Variants in TCF7L2 observed in about 807,000 individuals in gnomAD.
TCF7L2 encodes transcription factor 7-like 2.
In TCF7L2, 23 loss-of-function variants were observed where a neutral mutation model predicts 77.9. That is an observed-to-expected ratio of 0.30 (90% CI 0.21 to 0.42). The LOEUF (loss-of-function observed/expected upper bound fraction) is 0.42. Among genes scored for constraint, TCF7L2 ranks in the 10% least tolerant of loss-of-function variants. The pLI, the probability that TCF7L2 is intolerant of heterozygous loss-of-function variation, is 1.00. For missense variants in TCF7L2, 654 were observed against 793.1 expected, an observed-to-expected ratio of 0.82 and a Z score of 2.11; for synonymous variants, 413 against 340.2, an observed-to-expected ratio of 1.21 and a Z score of -2.36.
chr10:113,158,437 G>T (rs1019344654), intron 12 of TCF7L2, among the ~76,000 whole-genome samples: 6 of 152,130 alleles, frequency 3.9e-5, no homozygotes, highest in African/African-American at 7.2e-5. Flanking sequence ...GGAGTAGGAG[G>T]GGGTGTGTGT....
At chr10:113,136,440 T>A (rs1478917747) in intron 5 of TCF7L2, among the ~76,000 whole-genome samples, 1 of 152,214 alleles carries the variant, frequency 6.6e-6, no homozygotes, top group Non-Finnish European at 1.5e-5. Flanking sequence ...TTTGCTGTTT[T>A]TGTGGCTCGG....
chr10:113,089,595 G>T, intron 5 of TCF7L2: 3 of 1,588,304 alleles, frequency 1.9e-6, no homozygotes, highest in Non-Finnish European at 1.7e-6. Flanking sequence ...AAATGAAGCC[G>T]CCCACCCAAA....
At chr10:113,093,938 G>A (rs2060659332) in intron 5 of TCF7L2, among the ~76,000 whole-genome samples, 1 of 152,118 alleles carries the variant, frequency 6.6e-6, no homozygotes, top group African/African-American at 2.4e-5. Flanking sequence ...CTGATTCCTT[G>A]TTTCCTTCCT....
chr10:113,124,979 G>C (rs1592028689), intron 5 of TCF7L2, among the ~76,000 whole-genome samples: 1 of 152,214 alleles, frequency 6.6e-6, no homozygotes, highest in Non-Finnish European at 1.5e-5. Flanking sequence ...ATGACAGAAA[G>C]ATGTCATCGT....
At chr10:113,077,507 T>C (rs2058819961) in intron 5 of TCF7L2, among the ~76,000 whole-genome samples, 1 of 152,010 alleles carries the variant, frequency 6.6e-6, no homozygotes, top group East Asian at 1.9e-4. Flanking sequence ...CACTCTGCCT[T>C]CTCCCCCATG....
At chr10:113,003,773 A>G (rs571587317) in intron 4 of TCF7L2, among the ~76,000 whole-genome samples, 2 of 152,258 alleles carry the variant, frequency 1.3e-5, no homozygotes, top group African/African-American at 4.8e-5. Context: ...GTATCAATCA[A>G]CGTCAGGATC....
chr10:113,088,701 G>C (rs1406730337), intron 5 of TCF7L2, among the ~76,000 whole-genome samples: 2 of 152,086 alleles, frequency 1.3e-5, no homozygotes, highest in Non-Finnish European at 2.9e-5. Flanking sequence ...GCTTGCCTGA[G>C]ATCTCAACAC....
At chr10:113,148,957 C>T (rs74157224) in intron 8 of TCF7L2, among the ~76,000 whole-genome samples, 6,993 of 152,210 alleles carry the variant, frequency 0.046, 513 homozygotes, top group African/African-American at 0.16. Context: ...TGTACACACA[C>T]GTACACACAC....
chr10:113,165,851 T>TGCAGCCTGCCGCCCC lies in TCF7L2; in HGVS notation c.1689_1703dup (p.Gln564_Pro568dup). ...GCCCTGGACCTGCCCCCAGCCGCTTTGCAGCCTGCCGCCCCCTCCTCATCA... is the reference window on the plus strand; with the variant it reads ...GCCCTGGACCTGCCCCCAGCCGCTTTGCAGCCTGCCGCCCCGCAGCCTGCCGCCCCCTCCTCATCA... On this transcript the variant is annotated inframe_insertion, in exon 14 of 14. Transcript: ENST00000627217. The TGCAGCCTGCCGCCCC allele has an allele frequency of 6.2e-7, 1 of 1,608,426 alleles. No individual in the cohort carries two copies. Among genetic ancestry groups the TGCAGCCTGCCGCCCC allele is most frequent in the African/African-American group, 1.3e-5 (1 of 74,838 alleles).
intron 11 of TCF7L2, among the ~76,000 whole-genome samples, chr10:113,156,272 G>T (rs1361414700): frequency 1.3e-5 from 2 of 152,010 alleles, no homozygotes; most frequent in African/African-American, 4.8e-5. Context: ...GTGCCACCAC[G>T]CCCAGCTAAT....
At chr10:112,961,443 A>C (rs2035209054) in intron 3 of TCF7L2, among the ~76,000 whole-genome samples, 1 of 152,134 alleles carries the variant, frequency 6.6e-6, no homozygotes, top group Non-Finnish European at 1.5e-5. Context: ...TAGCTTCTGG[A>C]GAGAGAAATG....
intron 5 of TCF7L2, among the ~76,000 whole-genome samples, chr10:113,068,804 T>C (rs544878205): frequency 1.9e-4 from 29 of 152,136 alleles, no homozygotes; most frequent in Non-Finnish European, 3.7e-4. Flanking sequence ...ATCTCTCAGC[T>C]TCTGCGCACT....
At chr10:113,037,955 A>G (rs113870900) in intron 4 of TCF7L2, among the ~76,000 whole-genome samples, 2 of 152,324 alleles carry the variant, frequency 1.3e-5, no homozygotes, top group African/African-American at 4.8e-5. Flanking sequence ...TCATATAGTT[A>G]TGTGGTAAGT....
chr10:113,016,045 C>T (rs1204794464), intron 4 of TCF7L2, among the ~76,000 whole-genome samples: 7 of 148,846 alleles, frequency 4.7e-5, no homozygotes, highest in African/African-American at 1.8e-4. Context: ...TATTGCTAGG[C>T]TAGGCCATGC....
intron 13 of TCF7L2, 94 bp from the exon 15 acceptor site, chr10:113,165,461 T>G (rs1467170232): frequency 7.2e-7 from 1 of 1,382,590 alleles, no homozygotes; most frequent in African/African-American, 1.4e-5. Flanking sequence ...GGGACATCCC[T>G]TAGGTGACCT....
intron 5 of TCF7L2, among the ~76,000 whole-genome samples, chr10:113,042,492 C>G (rs1489501693): frequency 6.6e-6 from 1 of 152,130 alleles, no homozygotes; most frequent in Admixed American, 6.5e-5. Context: ...GACAAAAGGA[C>G]AAATGTGGTT....
chr10:113,090,478 A>G (rs563811547), intron 5 of TCF7L2, among the ~76,000 whole-genome samples: 1 of 152,344 alleles, frequency 6.6e-6, no homozygotes, highest in East Asian at 1.9e-4. Flanking sequence ...TGTTGGAGAG[A>G]CAAAATGTGG....
At chr10:113,015,409 G>T (rs531223200) in intron 4 of TCF7L2, among the ~76,000 whole-genome samples, 1 of 151,726 alleles carries the variant, frequency 6.6e-6, no homozygotes, top group East Asian at 1.9e-4. Context: ...CTCGTGCCAG[G>T]TGTGATCCTC....
In TCF7L2 at chr10:113,152,215, C is replaced by T. The variant is rs3902055; in HGVS notation, c.1162-118C>T. On this transcript the variant is annotated intron_variant, in intron 10 of 13. Coordinates refer to ENST00000627217, the MANE Select transcript of TCF7L2 (RefSeq NM_001146274.2). ...ATGTACAGATTATACCATTTCTGGA[C>T]GGACTCACCCAAAAAGGCAGCATTA... 3.4e-3 allele frequency: 3,185 copies of T among 946,252 alleles called. 54 individuals carry two copies. In the African/African-American group the frequency reaches 0.043, roughly 13 times the overall value. The allele number at this position is 946,252 out of a possible 1,614,324, so 58.6% of individuals were successfully genotyped here. A position where few individuals can be genotyped will look rare whatever the true frequency, so the allele number is the denominator to read the frequency against.
Sources: allele counts gnomAD v4.1 joint callset (sites outside exome capture counted in the v4.1 genomes callset), GRCh38; gene constraint gnomAD v4.1.1; transcripts MANE v1.5; gene names NCBI Gene and HGNC (gene_info 2026-07-23, HGNC 2026-07-21).